The following PSMD5 variants were observed in gnomAD, a reference collection of about 807,000 sequenced individuals.
PSMD5 encodes the protein 26S proteasome non-ATPase regulatory subunit 5.
In PSMD5, 40 loss-of-function variants were observed where a neutral mutation model predicts 52.1. That is an observed-to-expected ratio of 0.77 (90% CI 0.60 to 1.00). PSMD5 has a LOEUF of 1.00. Among genes scored for constraint, PSMD5 ranks in the 50% least tolerant of loss-of-function variants. The probability of loss-of-function intolerance (pLI) is 0.00; values close to 1 mark genes in which losing one functional copy is unlikely to be tolerated. For synonymous variants in PSMD5, 211 were observed against 226.6 expected (o/e 0.93, Z 0.62); for missense variants, 575 against 605.2 (o/e 0.95, Z 0.52).
chr9:120,830,353 A>C (rs1387096262), intron 4 of PSMD5, among the ~76,000 whole-genome samples: 2 of 152,204 alleles, frequency 1.3e-5, no homozygotes, highest in Non-Finnish European at 2.9e-5. Context: ...TTGAGCATGA[A>C]GGTTCGAGCT....
intron 5 of PSMD5, among the ~76,000 whole-genome samples, chr9:120,828,751 A>G (rs2045140638): frequency 6.6e-6 from 1 of 152,194 alleles, no homozygotes; most frequent in Admixed American, 6.5e-5. Flanking sequence ...CTATCATGCC[A>G]TAGTGTTGCT....
Position 120,821,380 on chromosome 9 carries a change from G to A in PSMD5, c.1091C>T (p.Ala364Val). The change falls in exon 8 of 10, where the codon GCA (alanine) becomes GTA (valine). Residue 364 changes from alanine to valine, a missense_variant. Physicochemically the swap from Ala to Val is moderately conservative, Grantham distance 64 (BLOSUM62 0). Transcript: ENST00000210313. ...PVELKIRCLD[A>V]ISSLLYLPPE... ...TGGTAAGTACAGAAGAGATGAAATT[G>A]CATCCAAACATCTAATTTTTAGCTC... The A allele has an allele frequency of 6.2e-7, 1 of 1,600,688 alleles. No homozygotes were observed. The highest frequency in any genetic ancestry group is 8.5e-7 in the Non-Finnish European group (1 of 1,171,084).
At chr9:120,841,533 C>T (rs1395677066) in intron 1 of PSMD5, among the ~76,000 whole-genome samples, 1 of 152,210 alleles carries the variant, frequency 6.6e-6, no homozygotes, top group South Asian at 2.1e-4. Context: ...GAGCCGAGAT[C>T]GCGCCACTGC....
intron 2 of PSMD5, among the ~76,000 whole-genome samples, chr9:120,832,262 A>G (rs1287337331): frequency 6.6e-6 from 1 of 152,204 alleles, no homozygotes; most frequent in Non-Finnish European, 1.5e-5. Flanking sequence ...TATCCGTAAA[A>G]TGGGAACACA....
chr9:120,821,457 G>T lies in PSMD5; in HGVS notation c.1014C>A (p.Arg338=), dbSNP rs749246640. 23 of 1,587,310 alleles carry T rather than the reference G, an allele frequency of 1.4e-5. No individual in the cohort carries two copies. Among genetic ancestry groups the T allele is most frequent in the Non-Finnish European group, 2.0e-5 (23 of 1,168,532 alleles). The change falls in exon 8 of 10, where the codon CGC becomes CGA. Residue 338 remains arginine, a synonymous_variant. Transcript: ENST00000210313. ...CTATTCTCATAAGCAAGCGTTCAAA[G>T]CGAGTTCCTTTGAAGGATAACAGTG... ...GKQVLQKTGT[R]FERLLMRIGH...
At chr9:120,840,082 C>T (rs1053782927) in intron 1 of PSMD5, among the ~76,000 whole-genome samples, 4 of 147,954 alleles carry the variant, frequency 2.7e-5, no homozygotes, top group African/African-American at 1.0e-4. Context: ...AGCTTACATC[C>T]TGCCACTGCA....
At chr9:120,842,546 G>C in intron 1 of PSMD5, 191 bp downstream of exon 1, 1 of 663,504 alleles carries the variant, frequency 1.5e-6, no homozygotes, top group Non-Finnish European at 2.5e-6. Context: ...AAACACCCTG[G>C]GGCACTCTCA....
At chr9:120,837,220 C>T (rs2045204641) in intron 1 of PSMD5, among the ~76,000 whole-genome samples, 1 of 152,146 alleles carries the variant, frequency 6.6e-6, no homozygotes, top group South Asian at 2.1e-4. Flanking sequence ...GACAGGGTTT[C>T]ACCATGTTGG....
At position 120,833,414 on chromosome 9, in the gene PSMD5, G is replaced by C. The variant is rs1431330670; in HGVS notation, c.216C>G (p.Leu72=). 1.2e-6 allele frequency: 2 copies of C among 1,614,054 alleles called. No individual in the cohort carries two copies. Among genetic ancestry groups the C allele is most frequent in the Non-Finnish European group, 1.7e-6 (2 of 1,179,966 alleles). The change falls in exon 2 of 10, where the codon CTC becomes CTG. Residue 72 remains leucine (L), a synonymous_variant. Coordinates refer to ENST00000210313, the MANE Select transcript of PSMD5 (RefSeq NM_005047.4). ...TLCVSILERL[L]QAMEPVHVAR... ...CCACGTGAACCGGTTCCATAGCTTG[G>C]AGCAATCTCTCCAGAATGGATACAC...
intron 5 of PSMD5, 117 bp downstream of exon 5, chr9:120,828,982 C>G: frequency 8.5e-6 from 11 of 1,292,230 alleles, no homozygotes; most frequent in Non-Finnish European, 1.1e-5. Flanking sequence ...GGACACACAT[C>G]AGTCATGAGA....
chr9:120,824,109 TAAAA>T (rs34305055), intron 7 of PSMD5: 72 of 111,914 alleles, frequency 6.4e-4, no homozygotes, highest in South Asian at 2.0e-3. Flanking sequence ...CTCAATCTCT[TAAAA>T]AAAAAAAAAA....
At chr9:120,823,510 C>CTTTTTTTTTTTTTTTTTTTT (rs1263218977) in intron 7 of PSMD5, among the ~76,000 whole-genome samples, 4 of 108,664 alleles carry the variant, frequency 3.7e-5, no homozygotes, top group African/African-American at 1.4e-4. Context: ...TACCTGGCCT[C>CTTTTTTTTTTTTTTTTTTTT]TTTTTTTTTT....
At chr9:120,824,202 C>A in intron 7 of PSMD5, 2 of 373,754 alleles carry the variant, frequency 5.4e-6, no homozygotes, top group East Asian at 6.1e-5. Context: ...ACCATGAAAT[C>A]TAGTCAAAGA....
At chr9:120,830,094 A>C (rs972975913) in intron 4 of PSMD5, among the ~76,000 whole-genome samples, 1 of 152,212 alleles carries the variant, frequency 6.6e-6, no homozygotes, top group African/African-American at 2.4e-5. Flanking sequence ...AGCTGTACTA[A>C]TGAAGAGAAA....
intron 4 of PSMD5, 103 bp downstream of exon 4, chr9:120,831,228 G>A: frequency 8.1e-7 from 1 of 1,238,802 alleles, no homozygotes. Context: ...ACCTACTGTA[G>A]GGCCAAACAC....
chr9:120,842,659 G>A, intron 1 of PSMD5, 78 bp downstream of exon 1: 2 of 1,543,336 alleles, frequency 1.3e-6, no homozygotes, highest in Non-Finnish European at 1.8e-6. Flanking sequence ...GAAAAGCGCT[G>A]TTCTTGCCCT....
chr9:120,833,095 G>A (rs936850894), intron 2 of PSMD5, among the ~76,000 whole-genome samples: 3 of 152,308 alleles, frequency 2.0e-5, no homozygotes, highest in Middle Eastern at 3.4e-3. Context: ...GTACTTAATG[G>A]AACTTCTTTC....
chr9:120,835,613 A>G (rs1314746375), intron 1 of PSMD5, among the ~76,000 whole-genome samples: 1 of 152,038 alleles, frequency 6.6e-6, no homozygotes, highest in Non-Finnish European at 1.5e-5. Context: ...CTGTAATCCC[A>G]CCTACTTCAG....
intron 1 of PSMD5, among the ~76,000 whole-genome samples, chr9:120,835,809 T>G (rs2131434270): frequency 6.6e-6 from 1 of 151,798 alleles, no homozygotes; most frequent in Admixed American, 6.6e-5. Flanking sequence ...GGAATGAGGA[T>G]ACTTACAAGT....
Sources: gnomAD v4.1 joint callset for allele counts (sites outside exome capture counted in the v4.1 genomes callset) on GRCh38, gnomAD v4.1.1 for gene constraint, MANE v1.5 for transcripts, NCBI Gene and HGNC (gene_info 2026-07-23, HGNC 2026-07-21) for gene names.